The following SMAP1 variants were observed in gnomAD, a reference collection of about 807,000 sequenced individuals.
SMAP1 encodes small ArfGAP 1, also known as stromal membrane-associated protein 1.
A neutral mutation model predicts 58.5 loss-of-function variants in SMAP1; 24 were observed. The observed-to-expected ratio is 0.41, with a 90% CI of 0.30 to 0.58. The LOEUF is 0.58. Ranked by LOEUF, SMAP1 falls within the 20% of genes least tolerant of loss-of-function variation. The pLI, the probability that SMAP1 is intolerant of heterozygous loss-of-function variation, is 0.29. For synonymous variants in SMAP1, 216 were observed against 196.6 expected (o/e 1.10, Z -0.82); for missense variants, 563 against 566.3 (o/e 0.99, Z 0.06).
chr6:70,846,906 G>C (rs1033212471), intron 7 of SMAP1, among the ~76,000 whole-genome samples: 54 of 152,218 alleles, frequency 3.5e-4, no homozygotes, highest in African/African-American at 7.2e-5. Context: ...TTACTGTGCA[G>C]ATTCCCTCCA....
intron 1 of SMAP1, among the ~76,000 whole-genome samples, chr6:70,715,897 TC>T (rs5877258): frequency 0.43 from 65,929 of 151,966 alleles, 14,676 homozygotes; most frequent in South Asian, 0.5. Flanking sequence ...TCCACCCTTT[TC>T]CCCCAGTCCC....
At chr6:70,802,497 A>G (rs1247431191) in intron 6 of SMAP1, among the ~76,000 whole-genome samples, 1 of 151,848 alleles carries the variant, frequency 6.6e-6, no homozygotes, top group African/African-American at 2.4e-5. Flanking sequence ...AGTACCCTTT[A>G]TTTTTTTCTG....
chr6:70,726,542 C>T (rs148073282), intron 1 of SMAP1, among the ~76,000 whole-genome samples: 86 of 152,310 alleles, frequency 5.6e-4, no homozygotes, highest in African/African-American at 1.8e-3. Context: ...CTTTGTTCCT[C>T]ATCGTATTTT....
intron 2 of SMAP1, among the ~76,000 whole-genome samples, chr6:70,737,803 T>C (rs1270984698): frequency 6.6e-6 from 1 of 152,194 alleles, no homozygotes; most frequent in East Asian, 1.9e-4. Context: ...AAAAGAATCA[T>C]GCACTCCCCT....
chr6:70,806,029 T>C (rs1303060842), intron 6 of SMAP1, among the ~76,000 whole-genome samples: 1 of 152,214 alleles, frequency 6.6e-6, no homozygotes, highest in African/African-American at 2.4e-5. Flanking sequence ...GGAGAACCAC[T>C]GCTCTCTTCA....
At chr6:70,835,085 TA>T (rs371546229) in intron 6 of SMAP1, among the ~76,000 whole-genome samples, 68,973 of 137,898 alleles carry the variant, frequency 0.5, 16,885 homozygotes, top group Non-Finnish European at 0.53. Flanking sequence ...CTGTTTCTAC[TA>T]AAAAAAAAAA....
chr6:70,861,883 T>G lies in SMAP1; in HGVS notation c.*1549T>G, dbSNP rs780331613. 2 of 1,613,998 alleles carry G rather than the reference T, an allele frequency of 1.2e-6. No homozygotes were observed. The highest frequency in any genetic ancestry group is 2.2e-5 in the South Asian group (2 of 91,076). ...AGTTCTTCGACTGTTGTTATCTGTT[T>G]GAGAAAGTCAGATTCTTGCATCCCT... is the stretch of plus-strand genomic sequence containing the variant. On this transcript the variant is annotated 3_prime_UTR_variant, in exon 11 of 11. Coordinates refer to ENST00000370455, the MANE Select transcript of SMAP1 (RefSeq NM_001044305.3).
intron 2 of SMAP1, among the ~76,000 whole-genome samples, chr6:70,747,721 T>C (rs1292085209): frequency 6.6e-6 from 1 of 152,180 alleles, no homozygotes; most frequent in Non-Finnish European, 1.5e-5. Flanking sequence ...GTATGGATAT[T>C]ATAGTAAGTA....
intron 10 of SMAP1, chr6:70,859,823 T>C: frequency 5.5e-6 from 1 of 181,308 alleles, no homozygotes; most frequent in South Asian, 1.6e-4. Flanking sequence ...ATAATATCTA[T>C]CATACAAAGT....
intron 1 of SMAP1, among the ~76,000 whole-genome samples, chr6:70,731,468 T>G (rs546684493): frequency 6.8e-4 from 103 of 152,312 alleles, no homozygotes; most frequent in Non-Finnish European, 1.1e-3. Context: ...AAACAAAAGT[T>G]TATATTCTTG....
chr6:70,839,680 G>A (rs1770728937), intron 7 of SMAP1, among the ~76,000 whole-genome samples: 1 of 152,180 alleles, frequency 6.6e-6, no homozygotes. Context: ...GGAGGAGTGG[G>A]AGATGGGGTT....
intron 6 of SMAP1, among the ~76,000 whole-genome samples, chr6:70,803,472 G>GT (rs1240836824): frequency 6.6e-6 from 1 of 151,964 alleles, no homozygotes; most frequent in Admixed American, 6.6e-5. Flanking sequence ...TTTTTTGAAG[G>GT]TTTTTTTGTG....
intron 3 of SMAP1, among the ~76,000 whole-genome samples, chr6:70,758,423 T>G (rs1766603836): frequency 6.7e-6 from 1 of 148,410 alleles, no homozygotes. Flanking sequence ...TAATGCTAGA[T>G]GACGAGTTAG....
intron 4 of SMAP1, among the ~76,000 whole-genome samples, chr6:70,782,348 C>T (rs1767797549): frequency 6.6e-6 from 1 of 152,178 alleles, no homozygotes; most frequent in Non-Finnish European, 1.5e-5. Context: ...CTTCCTTCCT[C>T]CTCTTTTCCT....
chr6:70,826,013 C>T (rs1364209587), intron 6 of SMAP1, among the ~76,000 whole-genome samples: 1 of 152,154 alleles, frequency 6.6e-6, no homozygotes, highest in Non-Finnish European at 1.5e-5. Flanking sequence ...TTTTGTATCC[C>T]TAGTGCTTAC....
At chr6:70,771,933 C>T (rs550233102) in intron 3 of SMAP1, among the ~76,000 whole-genome samples, 1 of 152,186 alleles carries the variant, frequency 6.6e-6, no homozygotes, top group Admixed American at 6.5e-5. Flanking sequence ...CCTGCTTACT[C>T]CAGGTTAGGG....
intron 3 of SMAP1, among the ~76,000 whole-genome samples, chr6:70,758,001 C>T (rs1242900024): frequency 1.3e-5 from 2 of 151,876 alleles, no homozygotes; most frequent in Admixed American, 1.3e-4. Flanking sequence ...ACCATTTGAC[C>T]CAGCCATCCC....
At chr6:70,772,182 C>T (rs543778718) in intron 3 of SMAP1, among the ~76,000 whole-genome samples, 78 of 152,186 alleles carry the variant, frequency 5.1e-4, no homozygotes, top group Non-Finnish European at 9.4e-4. Flanking sequence ...GACAGTGGCT[C>T]GGGTAGAAAT....
chr6:70,706,864 G>A lies in SMAP1; in HGVS notation c.119-25514G>A, dbSNP rs185612193. Among the ~76,000 whole-genome samples, 310 of 152,214 alleles carry A rather than the reference G, an allele frequency of 2.0e-3. 2 individuals carry two copies. The highest frequency in any genetic ancestry group is 7.5e-3 in the South Asian group (36 of 4,822). ...GAATAAAAGAGGAAGTAGAATAAAT[G>A]AGTTGCTAATGTATAGCCCCAGGAT... On this transcript the variant is annotated intron_variant, in intron 1 of 10. Coordinates refer to ENST00000370455, the MANE Select transcript of SMAP1 (RefSeq NM_001044305.3).
Sources: allele counts gnomAD v4.1 joint callset (sites outside exome capture counted in the v4.1 genomes callset), GRCh38; gene constraint gnomAD v4.1.1; transcripts MANE v1.5; gene names NCBI Gene and HGNC (gene_info 2026-07-23, HGNC 2026-07-21).